The following METTL25 variants were observed in gnomAD, a reference collection of about 807,000 sequenced individuals.
METTL25 encodes the protein probable methyltransferase-like protein 25.
A neutral mutation model predicts 71.6 loss-of-function variants in METTL25; 64 were observed. The ratio of observed to expected loss-of-function variants is 0.89; its 90% CI spans 0.73 to 1.10. METTL25 has a LOEUF of 1.10. Ranked by LOEUF, METTL25 falls within the 50% of genes least tolerant of loss-of-function variation. The pLI, the probability that METTL25 is intolerant of heterozygous loss-of-function variation, is 0.00. For synonymous variants in METTL25, 287 were observed against 250.3 expected (o/e 1.15, Z -1.38); for missense variants, 807 against 707.0 (o/e 1.14, Z -1.60).
intron 5 of METTL25, among the ~76,000 whole-genome samples, chr12:82,424,188 A>G (rs1254488472): frequency 1.3e-5 from 2 of 152,208 alleles, no homozygotes; most frequent in Non-Finnish European, 2.9e-5. Context: ...CATACACACC[A>G]TGGAATACTC....
intron 1 of METTL25, among the ~76,000 whole-genome samples, chr12:82,373,049 C>G (rs921150775): frequency 1.4e-4 from 22 of 152,286 alleles, no homozygotes; most frequent in African/African-American, 5.3e-4. Flanking sequence ...CTTGCGTGTC[C>G]TCCTAGACCA....
chr12:82,463,289 C>CT (rs1022085160), intron 9 of METTL25, among the ~76,000 whole-genome samples: 4 of 151,490 alleles, frequency 2.6e-5, no homozygotes, highest in African/African-American at 7.3e-5. Flanking sequence ...AGGAGATTAA[C>CT]TTTTTTTTTC....
chr12:82,432,361 T>G (rs1220881725), intron 6 of METTL25, among the ~76,000 whole-genome samples: 1 of 151,644 alleles, frequency 6.6e-6, no homozygotes, highest in Non-Finnish European at 1.5e-5. Flanking sequence ...TTGTTCAAGG[T>G]CTTGTTAGAA....
At chr12:82,460,436 C>T (rs548031282) in intron 9 of METTL25, among the ~76,000 whole-genome samples, 1 of 152,290 alleles carries the variant, frequency 6.6e-6, no homozygotes, top group Admixed American at 6.5e-5. Context: ...AGGAACTTTC[C>T]AGTGAAGAAC....
intron 6 of METTL25, among the ~76,000 whole-genome samples, chr12:82,431,238 C>G (rs897933598): frequency 6.6e-6 from 1 of 151,022 alleles, no homozygotes; most frequent in Non-Finnish European, 1.5e-5. Context: ...ATACTTTATC[C>G]AACGCTCTGT....
At chr12:82,385,329 T>A (rs1884873666) in intron 1 of METTL25, among the ~76,000 whole-genome samples, 1 of 152,170 alleles carries the variant, frequency 6.6e-6, no homozygotes, top group Non-Finnish European at 1.5e-5. Flanking sequence ...AAGAATTTTT[T>A]TTAATTTAAT....
chr12:82,387,712 C>T (rs1484132108), intron 2 of METTL25, among the ~76,000 whole-genome samples: 2 of 34,364 alleles, frequency 5.8e-5, no homozygotes, highest in South Asian at 2.8e-3. Flanking sequence ...TACACACACA[C>T]GCGCACACAC....
At chr12:82,380,052 A>G (rs1884275167) in intron 1 of METTL25, among the ~76,000 whole-genome samples, 1 of 152,176 alleles carries the variant, frequency 6.6e-6, no homozygotes, top group Admixed American at 6.5e-5. Flanking sequence ...AGTTGATCCA[A>G]TTGTTAGGAC....
At position 82,399,196 on chromosome 12, in the gene METTL25, C is replaced by T. The variant is rs1886360009; in HGVS notation, c.933C>T (p.Ser311=). Residue 311 remains serine, a synonymous_variant, in exon 4 of 12, where the codon TCC becomes TCT. Transcript: ENST00000248306. ...HQEENLCFEN[S]FSLINLLPIN... ...AAGAAAATTTGTGTTTTGAAAATTCCTTTTCTCTTATAAACCTTTTGCCTA... is the reference window on the plus strand; with the variant it reads ...AAGAAAATTTGTGTTTTGAAAATTCTTTTTCTCTTATAAACCTTTTGCCTA... The T allele has an allele frequency of 6.2e-7, 1 of 1,613,214 alleles. No homozygotes were observed. The highest frequency in any genetic ancestry group is 8.5e-7 in the Non-Finnish European group (1 of 1,179,686).
intron 1 of METTL25, among the ~76,000 whole-genome samples, chr12:82,385,530 C>A (rs1426640643): frequency 6.6e-6 from 1 of 152,020 alleles, no homozygotes; most frequent in African/African-American, 2.4e-5. Context: ...ATGAATGGGC[C>A]TGATTGGACT....
intron 8 of METTL25, among the ~76,000 whole-genome samples, chr12:82,456,166 G>C (rs1040296832): frequency 4.6e-5 from 7 of 151,866 alleles, no homozygotes; most frequent in Non-Finnish European, 7.4e-5. Context: ...TGTAATCAAA[G>C]TTGTGAGATG....
At chr12:82,450,481 T>A (rs977432738) in intron 8 of METTL25, among the ~76,000 whole-genome samples, 1 of 152,142 alleles carries the variant, frequency 6.6e-6, no homozygotes, top group East Asian at 1.9e-4. Context: ...ATTATTTTAA[T>A]AATTTCCTAG....
intron 9 of METTL25, among the ~76,000 whole-genome samples, chr12:82,470,088 G>A (rs1892482265): frequency 6.6e-6 from 1 of 152,130 alleles, no homozygotes; most frequent in South Asian, 2.1e-4. Context: ...GACAATGTAG[G>A]AAATGACTTC....
At chr12:82,358,977 A>T in intron 1 of METTL25, 153 bp downstream of exon 1, 11 of 590,656 alleles carry the variant, frequency 1.9e-5, no homozygotes, top group Admixed American at 2.9e-5. Flanking sequence ...GGATTAGTTG[A>T]GGGGTGGGGT....
At chr12:82,410,891 A>G (rs1238767438) in intron 5 of METTL25, among the ~76,000 whole-genome samples, 2 of 152,076 alleles carry the variant, frequency 1.3e-5, no homozygotes, top group Non-Finnish European at 2.9e-5. Flanking sequence ...TGTCTCATGC[A>G]TAAGCAAATT....
chr12:82,393,242 G>C (rs926050015), intron 3 of METTL25, among the ~76,000 whole-genome samples: 3 of 151,852 alleles, frequency 2.0e-5, no homozygotes, highest in African/African-American at 4.8e-5. Context: ...TAACAATATT[G>C]ATTCCCCTAA....
At chr12:82,452,563 C>T (rs964905003) in intron 8 of METTL25, among the ~76,000 whole-genome samples, 4 of 152,148 alleles carry the variant, frequency 2.6e-5, no homozygotes, top group Admixed American at 1.3e-4. Context: ...AACTATAGAC[C>T]CTTCTAAATA....
At chr12:82,373,069 C>T (rs1193540998) in intron 1 of METTL25, among the ~76,000 whole-genome samples, 1 of 152,072 alleles carries the variant, frequency 6.6e-6, no homozygotes, top group Non-Finnish European at 1.5e-5. Context: ...ACAAAGAGGC[C>T]CAAGAAAAAT....
At chr12:82,384,615 T>TA (rs139471017) in intron 1 of METTL25, among the ~76,000 whole-genome samples, 7,845 of 151,308 alleles carry the variant, frequency 0.052, 263 homozygotes, top group African/African-American at 0.092. Flanking sequence ...TACCCTTTTT[T>TA]AAAAAAAAAT....
Sources: gnomAD v4.1 joint callset for allele counts (sites outside exome capture counted in the v4.1 genomes callset) on GRCh38, gnomAD v4.1.1 for gene constraint, MANE v1.5 for transcripts, NCBI Gene and HGNC (gene_info 2026-07-23, HGNC 2026-07-21) for gene names.